TBC1D9: variants seen among roughly 807,000 people sequenced by gnomAD.
TBC1D9 encodes TBC1 domain family member 9A.
TBC1D9 carries 63 observed loss-of-function variants against 132.0 expected under a neutral mutation model. That is an observed-to-expected ratio of 0.48 (90% CI 0.39 to 0.59). The LOEUF is 0.59. Among genes scored for constraint, TBC1D9 ranks in the 20% least tolerant of loss-of-function variants. The pLI is 0.00. For missense variants in TBC1D9, 1,261 were observed against 1,592.7 expected (o/e 0.79, Z 3.54); for synonymous variants, 610 against 609.9 (o/e 1.00, Z 0.00).
intron 2 of TBC1D9, among the ~76,000 whole-genome samples, chr4:140,690,401 C>T (rs1340258707): frequency 6.6e-6 from 1 of 152,190 alleles, no homozygotes; most frequent in Non-Finnish European, 1.5e-5. Context: ...CTTTTCTCTA[C>T]TGCTCGCTAT....
At chr4:140,698,005 C>T (rs749920512) in intron 2 of TBC1D9, among the ~76,000 whole-genome samples, 12 of 152,180 alleles carry the variant, frequency 7.9e-5, no homozygotes, top group Non-Finnish European at 1.5e-4. Context: ...AAGGCTGCAG[C>T]GTCCTTTTCA....
At chr4:140,669,214 A>G (rs780843800) in intron 8 of TBC1D9, 147 bp from the exon 9 acceptor site, 3 of 803,242 alleles carry the variant, frequency 3.7e-6, no homozygotes, top group Non-Finnish European at 5.8e-6. Context: ...GATTTTCTGG[A>G]GTTCTTCTCT....
chr4:140,626,961 T>C (rs1450325265), intron 18 of TBC1D9, among the ~76,000 whole-genome samples: 2 of 152,260 alleles, frequency 1.3e-5, no homozygotes, highest in Non-Finnish European at 2.9e-5. Context: ...ATTTTACTTT[T>C]GATTTTTAAA....
intron 15 of TBC1D9, among the ~76,000 whole-genome samples, chr4:140,637,357 GA>G (rs11401987): frequency 7.5e-4 from 107 of 141,826 alleles, no homozygotes; most frequent in Middle Eastern, 3.6e-3. Context: ...CTCAAAGAAG[GA>G]AAAAAAAAAA....
chr4:140,729,584 G>A (rs1738554399), intron 1 of TBC1D9, among the ~76,000 whole-genome samples: 1 of 152,016 alleles, frequency 6.6e-6, no homozygotes, highest in South Asian at 2.1e-4. Context: ...TTTTGGGAGG[G>A]TAAGGCAGAA....
chr4:140,743,518 G>C (rs1207652686), intron 1 of TBC1D9, among the ~76,000 whole-genome samples: 3 of 152,158 alleles, frequency 2.0e-5, no homozygotes, highest in Non-Finnish European at 4.4e-5. Flanking sequence ...ACTAAGTGAA[G>C]GACTAAAGAG....
intron 2 of TBC1D9, among the ~76,000 whole-genome samples, chr4:140,697,337 A>G (rs1171418456): frequency 2.0e-5 from 3 of 152,132 alleles, no homozygotes; most frequent in African/African-American, 7.2e-5. Context: ...AGCCAAGATC[A>G]TGCCACTGAA....
intron 1 of TBC1D9, among the ~76,000 whole-genome samples, chr4:140,727,445 C>CA (rs1268605220): frequency 1.3e-5 from 2 of 152,188 alleles, no homozygotes; most frequent in African/African-American, 4.8e-5. Context: ...CAGCCTGGGG[C>CA]AGAGTCCCAA....
intron 2 of TBC1D9, among the ~76,000 whole-genome samples, chr4:140,687,253 T>C (rs1321211819): frequency 6.7e-6 from 1 of 149,256 alleles, no homozygotes; most frequent in Non-Finnish European, 1.5e-5. Context: ...TGATTGTTAA[T>C]GATCTTATAG....
chr4:140,732,572 C>T (rs1738610901), intron 1 of TBC1D9, among the ~76,000 whole-genome samples: 1 of 152,186 alleles, frequency 6.6e-6, no homozygotes, highest in African/African-American at 2.4e-5. Context: ...CTTTCTTCCT[C>T]TCATTAAGTA....
At chr4:140,719,032 T>G (rs1052061983) in intron 1 of TBC1D9, among the ~76,000 whole-genome samples, 1 of 151,840 alleles carries the variant, frequency 6.6e-6, no homozygotes, top group African/African-American at 2.4e-5. Flanking sequence ...GGAGAATCAC[T>G]TGAACCCAGG....
At chr4:140,735,345 C>A (rs1738656110) in intron 1 of TBC1D9, among the ~76,000 whole-genome samples, 1 of 152,120 alleles carries the variant, frequency 6.6e-6, no homozygotes, top group South Asian at 2.1e-4. Context: ...TTATAAAATC[C>A]TGTGTTCATC....
In TBC1D9 at chr4:140,642,916, G is replaced by A. The variant is rs1049479592; in HGVS notation, c.2338-3488C>T. ...TCCTCGTGCCTGTCCTCGGAGTCCC[G>A]GCGCCGCTGCAGCTTCACCAGCTCA... is the stretch of plus-strand genomic sequence containing the variant. On this transcript the variant is annotated intron_variant, in intron 13 of 20. Coordinates refer to ENST00000442267, the MANE Select transcript of TBC1D9 (RefSeq NM_015130.3). The A allele has an allele frequency of 1.8e-4, 107 of 592,802 alleles. 1 individual carries two copies. The highest frequency in any genetic ancestry group is 2.6e-4 in the Non-Finnish European group (90 of 340,724). 36.7% of individuals were successfully genotyped at this position (592,802 alleles called of 1,614,324 possible). A position where few individuals can be genotyped will look rare whatever the true frequency, so the allele number is the denominator to read the frequency against.
At chr4:140,719,759 C>A (rs534602217) in intron 1 of TBC1D9, among the ~76,000 whole-genome samples, 1 of 152,256 alleles carries the variant, frequency 6.6e-6, no homozygotes, top group Admixed American at 6.5e-5. Flanking sequence ...TCAGTCAGTT[C>A]AAGGGTACAT....
At chr4:140,643,985 C>T (rs1007096131) in intron 13 of TBC1D9, 7 of 555,710 alleles carry the variant, frequency 1.3e-5, no homozygotes, top group Non-Finnish European at 2.0e-5. Context: ...GCTCTTCCTC[C>T]GGGTCCTCCC....
At chr4:140,652,709 T>C (rs1737205826) in intron 13 of TBC1D9, among the ~76,000 whole-genome samples, 4 of 152,250 alleles carry the variant, frequency 2.6e-5, no homozygotes, top group Non-Finnish European at 5.9e-5. Flanking sequence ...ATGGCAGAGC[T>C]GTCTACAAGG....
intron 1 of TBC1D9, among the ~76,000 whole-genome samples, chr4:140,750,617 A>C (rs980088924): frequency 6.6e-6 from 1 of 152,084 alleles, no homozygotes. Context: ...GAAAACTATA[A>C]AACACCGAGA....
chr4:140,663,807 T>C (rs1737401898), intron 9 of TBC1D9, among the ~76,000 whole-genome samples: 1 of 151,958 alleles, frequency 6.6e-6, no homozygotes, highest in South Asian at 2.1e-4. Flanking sequence ...AAGTAATACA[T>C]GTTCTCAGTT....
At chr4:140,745,986 G>C (rs1344272187) in intron 1 of TBC1D9, among the ~76,000 whole-genome samples, 3 of 152,166 alleles carry the variant, frequency 2.0e-5, no homozygotes, top group African/African-American at 7.2e-5. Context: ...CTCCCTAGTT[G>C]TGGAGGTCTC....
Sources: gnomAD v4.1 joint callset for allele counts (sites outside exome capture counted in the v4.1 genomes callset) on GRCh38, gnomAD v4.1.1 for gene constraint, MANE v1.5 for transcripts, NCBI Gene and HGNC (gene_info 2026-07-23, HGNC 2026-07-21) for gene names.